NAPEPLD: variants seen among roughly 807,000 people sequenced by gnomAD.
NAPEPLD encodes N-acyl-phosphatidylethanolamine-hydrolyzing phospholipase D.
Under a neutral mutation model 38.1 loss-of-function variants are expected in NAPEPLD, and 23 were observed. The observed-to-expected ratio is 0.60, with a 90% confidence interval of 0.43 to 0.86. The LOEUF is 0.86. Among genes scored for constraint, NAPEPLD ranks in the 40% least tolerant of loss-of-function variants. The probability of loss-of-function intolerance (pLI) is 0.00; values close to 1 mark genes in which losing one functional copy is unlikely to be tolerated. For missense variants in NAPEPLD, 411 were observed against 476.8 expected (o/e 0.86, Z 1.28); for synonymous variants, 147 against 162.0 (o/e 0.91, Z 0.71).
intron 1 of NAPEPLD, among the ~76,000 whole-genome samples, chr7:103,138,306 C>CA (rs1161576304): frequency 6.6e-6 from 1 of 151,976 alleles, no homozygotes; most frequent in Non-Finnish European, 1.5e-5. Flanking sequence ...ATTACGTATA[C>CA]AAAAAGAAAA....
intron 2 of NAPEPLD, 28 bp downstream of exon 2, chr7:103,128,455 T>A: frequency 6.2e-7 from 1 of 1,610,318 alleles, no homozygotes; most frequent in Non-Finnish European, 8.5e-7. Context: ...AGAGCAAATA[T>A]AAAGCACTCA....
In NAPEPLD at chr7:103,128,737, T is replaced by C; in HGVS notation, c.40A>G (p.Ser14Gly). 2.5e-6 allele frequency: 4 copies of C among 1,613,930 alleles called. No individual in the cohort carries two copies. Among genetic ancestry groups the C allele is most frequent in the Non-Finnish European group, 2.5e-6 (3 of 1,179,980 alleles). The stretch of plus-strand genomic sequence containing the variant: ...CTTACTGCTTCTTTAGGATATTGGC[T>C]GCTTGTCATCAGAGACTGGTTGCTT... ...NESNQSLMTS[S>G]QYPKEAVRKR... Residue 14 changes from serine (S) to glycine (G), a missense_variant, in exon 2 of 5, where the codon AGC becomes GGC. Physicochemically the swap from Ser to Gly is moderately conservative, Grantham distance 56. Coordinates refer to ENST00000465647, the MANE Select transcript of NAPEPLD (RefSeq NM_001122838.3).
At chr7:103,140,387 CTTTTTTTTT>C (rs377763676) in intron 1 of NAPEPLD, among the ~76,000 whole-genome samples, 2 of 92,634 alleles carry the variant, frequency 2.2e-5, no homozygotes, top group South Asian at 4.4e-4. Flanking sequence ...TCACAGAACT[CTTTTTTTTT>C]TTTTTTTTTT....
chr7:103,146,527 C>T (rs1812594632), intron 1 of NAPEPLD, among the ~76,000 whole-genome samples: 1 of 152,156 alleles, frequency 6.6e-6, no homozygotes, highest in African/African-American at 2.4e-5. Flanking sequence ...ATTAGATAAA[C>T]ACAAGAGTCT....
intron 1 of NAPEPLD, among the ~76,000 whole-genome samples, chr7:103,143,524 C>T (rs1016946960): frequency 5.9e-5 from 9 of 152,128 alleles, no homozygotes; most frequent in African/African-American, 1.2e-4. Flanking sequence ...CAATGTGATA[C>T]GAGCCTTTTA....
chr7:103,130,566 C>G (rs1451496152), intron 1 of NAPEPLD, among the ~76,000 whole-genome samples: 1 of 152,138 alleles, frequency 6.6e-6, no homozygotes, highest in Non-Finnish European at 1.5e-5. Context: ...TTTCCCTAAT[C>G]TTGTTAACTG....
At chr7:103,136,353 C>T (rs1228883033) in intron 1 of NAPEPLD, among the ~76,000 whole-genome samples, 34 of 150,566 alleles carry the variant, frequency 2.3e-4, no homozygotes, top group Admixed American at 2.3e-3. Flanking sequence ...GGGCAGACTG[C>T]CTGAGCTCAG....
chr7:103,116,035 G>C (rs1485867013), intron 3 of NAPEPLD, among the ~76,000 whole-genome samples: 1 of 149,890 alleles, frequency 6.7e-6, no homozygotes, highest in Non-Finnish European at 1.5e-5. Flanking sequence ...GTCACCATCT[G>C]CTGGTTTTTG....
At chr7:103,136,461 C>A (rs1388519847) in intron 1 of NAPEPLD, among the ~76,000 whole-genome samples, 1 of 151,356 alleles carries the variant, frequency 6.6e-6, no homozygotes, top group African/African-American at 2.4e-5. Context: ...GCAGCCCGAA[C>A]CTGTAGTCCC....
intron 1 of NAPEPLD, among the ~76,000 whole-genome samples, chr7:103,131,055 T>C (rs1670451919): frequency 6.6e-6 from 1 of 151,788 alleles, no homozygotes; most frequent in African/African-American, 2.4e-5. Context: ...GTTTAGAGAG[T>C]TTAAGTTACT....
intron 1 of NAPEPLD, among the ~76,000 whole-genome samples, chr7:103,142,649 A>G (rs1033353959): frequency 5.3e-5 from 8 of 152,018 alleles, no homozygotes; most frequent in Admixed American, 1.3e-4. Flanking sequence ...CACAAATTTG[A>G]CTCTGTGCCC....
intron 3 of NAPEPLD, among the ~76,000 whole-genome samples, chr7:103,117,781 A>G (rs892099266): frequency 6.6e-6 from 1 of 152,212 alleles, no homozygotes; most frequent in Admixed American, 6.6e-5. Context: ...TATGTGAGTA[A>G]ATTTGGTTGT....
At chr7:103,147,862 C>A (rs1812896346) in intron 1 of NAPEPLD, 2 of 568,206 alleles carry the variant, frequency 3.5e-6, no homozygotes, top group Non-Finnish European at 4.5e-6. Flanking sequence ...GTTAACAAAA[C>A]AAAATCTCTG....
At chr7:103,124,010 T>A (rs1807243851) in intron 2 of NAPEPLD, among the ~76,000 whole-genome samples, 3 of 152,162 alleles carry the variant, frequency 2.0e-5, no homozygotes, top group Admixed American at 2.0e-4. Flanking sequence ...AAACTATTTT[T>A]AAAAGTTTAA....
intron 2 of NAPEPLD, 60 bp from the exon 3 acceptor site, chr7:103,120,283 A>G: frequency 1.3e-6 from 2 of 1,511,766 alleles, no homozygotes; most frequent in African/African-American, 2.8e-5. Context: ...TTATATCATC[A>G]TAGTCCACAT....
At position 103,119,596 on chromosome 7, in the gene NAPEPLD, T is replaced by C. The variant is rs140516008; in HGVS notation, c.922A>G (p.Ile308Val). 5.0e-6 allele frequency: 8 copies of C among 1,613,942 alleles called. No homozygotes were observed. The highest frequency in any genetic ancestry group is 4.5e-5 in the East Asian group (2 of 44,882). ...ACATACCTCGGTTCATAAGCTCCGA[T>C]GGGAATAGCTGCAAGGTCAAAAGGT... ...FGPFDLAAIP[I>V]GAYEPRWFMK... The change falls in exon 3 of 5, where the codon ATC becomes GTC. Residue 308 changes from isoleucine to valine, a missense_variant. By Grantham distance (29) the Ile-to-Val change is conservative (BLOSUM62 3). Coordinates refer to ENST00000465647, the MANE Select transcript of NAPEPLD (RefSeq NM_001122838.3).
intron 1 of NAPEPLD, among the ~76,000 whole-genome samples, chr7:103,140,658 G>A (rs995961677): frequency 3.9e-5 from 6 of 152,050 alleles, no homozygotes; most frequent in Non-Finnish European, 7.4e-5. Context: ...CTCCCAAAGT[G>A]CAGAACTCTT....
intron 1 of NAPEPLD, among the ~76,000 whole-genome samples, chr7:103,131,165 A>G (rs1808859759): frequency 6.6e-6 from 1 of 152,198 alleles, no homozygotes; most frequent in South Asian, 2.1e-4. Context: ...TGTCATATAC[A>G]TATACATATG....
intron 1 of NAPEPLD, among the ~76,000 whole-genome samples, chr7:103,140,481 C>A (rs948017400): frequency 4.0e-5 from 6 of 150,502 alleles, no homozygotes; most frequent in Admixed American, 1.3e-4. Context: ...CAAGCTCCGC[C>A]TCCCGGGTTC....
Sources: allele counts gnomAD v4.1 joint callset (sites outside exome capture counted in the v4.1 genomes callset), GRCh38; gene constraint gnomAD v4.1.1; transcripts MANE v1.5; gene names NCBI Gene and HGNC (gene_info 2026-07-23, HGNC 2026-07-21).